Variants in TCF3 observed in about 807,000 individuals in gnomAD.
The protein encoded by TCF3 is transcription factor 3.
Under a neutral mutation model 72.3 loss-of-function variants are expected in TCF3, and 54 were observed. That is an observed-to-expected ratio of 0.75 (90% confidence interval 0.60 to 0.94). The LOEUF (loss-of-function observed/expected upper bound fraction) is 0.94. Among genes scored for constraint, TCF3 ranks in the 40% least tolerant of loss-of-function variants. TCF3 has a pLI of 0.00. For synonymous variants in TCF3, 525 were observed against 412.6 expected, an observed-to-expected ratio of 1.27 and a Z score of -3.30; for missense variants, 1,078 against 934.4, an observed-to-expected ratio of 1.15 and a Z score of -2.00.
chr19:1,625,510 G>A, intron 7 of TCF3, 66 bp downstream of exon 7: 1 of 1,470,716 alleles, frequency 6.8e-7, no homozygotes, highest in Non-Finnish European at 9.0e-7. Flanking sequence ...CTAACGGGAA[G>A]CCTCCTACCT....
intron 2 of TCF3, among the ~76,000 whole-genome samples, chr19:1,649,918 G>A (rs1343033814): frequency 6.6e-6 from 1 of 152,256 alleles, no homozygotes; most frequent in Non-Finnish European, 1.5e-5. Flanking sequence ...CCATGCCCCT[G>A]AGGACTCAGT....
intron 2 of TCF3, among the ~76,000 whole-genome samples, 179 bp from the exon 3 acceptor site, chr19:1,646,606 G>A (rs10401238): frequency 2.8e-4 from 43 of 152,222 alleles, no homozygotes; most frequent in African/African-American, 7.7e-4. Context: ...CTGAGGACTC[G>A]CGTGCCCTCA....
chr19:1,630,760 C>G (rs554617112), intron 5 of TCF3, among the ~76,000 whole-genome samples: 38 of 152,318 alleles, frequency 2.5e-4, no homozygotes, highest in Admixed American at 2.4e-3. Context: ...AGGCTGACCA[C>G]GACAGCGGGA....
At chr19:1,626,766 CCCCT>C (rs2062935320) in intron 6 of TCF3, among the ~76,000 whole-genome samples, 1 of 152,204 alleles carries the variant, frequency 6.6e-6, no homozygotes, top group East Asian at 1.9e-4. Context: ...CCCGGCTGGC[CCCCT>C]CCATCACTAT....
chr19:1,613,431 C>T (rs1383364484), intron 18 of TCF3, among the ~76,000 whole-genome samples: 1 of 152,116 alleles, frequency 6.6e-6, no homozygotes, highest in Non-Finnish European at 1.5e-5. Flanking sequence ...CTCCCTTGAC[C>T]CTGCTCACTC....
At chr19:1,638,867 G>A (rs1238838532) in intron 3 of TCF3, among the ~76,000 whole-genome samples, 1 of 152,108 alleles carries the variant, frequency 6.6e-6, no homozygotes, top group Non-Finnish European at 1.5e-5. Context: ...ACGATGGAAG[G>A]AAAAGCTGAG....
intron 14 of TCF3, 138 bp downstream of exon 14, chr19:1,619,642 C>T (rs2061936014): frequency 7.9e-7 from 1 of 1,265,772 alleles, no homozygotes; most frequent in African/African-American, 1.5e-5. Flanking sequence ...AATGTGTGTG[C>T]CTTGGCGGCC....
chr19:1,619,939 C>G, intron 13 of TCF3, 86 bp from the exon 14 acceptor site: 1 of 1,191,992 alleles, frequency 8.4e-7, no homozygotes, highest in Non-Finnish European at 1.2e-6. Flanking sequence ...TCATGAACCA[C>G]CCCGCCTGTC....
At chr19:1,650,479 T>G (rs2145792193) in intron 1 of TCF3, 192 bp from the exon 2 acceptor site, 2 of 561,550 alleles carry the variant, frequency 3.6e-6, no homozygotes, top group South Asian at 4.6e-5. Flanking sequence ...TTCCAGAGTC[T>G]AGGTCCCTGC....
At chr19:1,631,881 C>G in intron 5 of TCF3, 157 bp downstream of exon 5, 1 of 1,520,772 alleles carries the variant, frequency 6.6e-7, no homozygotes, top group Non-Finnish European at 8.8e-7. Flanking sequence ...CTGCACCTCC[C>G]CGCAGCTGCT....
intron 3 of TCF3, among the ~76,000 whole-genome samples, chr19:1,639,568 TCA>T: frequency 6.6e-6 from 1 of 152,072 alleles, no homozygotes; most frequent in African/African-American, 2.4e-5. Context: ...CCTCAAGTAC[TCA>T]CAAAGAAGGA....
At chr19:1,630,590 C>T (rs992401358) in intron 5 of TCF3, among the ~76,000 whole-genome samples, 1 of 152,226 alleles carries the variant, frequency 6.6e-6, no homozygotes, top group Non-Finnish European at 1.5e-5. Context: ...CAGTGCCCCA[C>T]AGCTCCCGGC....
Position 1,611,006 on chromosome 19 carries a change from T to A in TCF3, c.*701A>T, listed in dbSNP as rs1348837853. 4.5e-6 allele frequency: 1 copy of A among 221,752 alleles called. No homozygotes were observed. Among genetic ancestry groups the A allele is most frequent in the Non-Finnish European group, 8.8e-6 (1 of 113,206 alleles). The allele number at this position is 221,752 out of a possible 1,614,324, so 13.7% of individuals were successfully genotyped here. On this transcript the variant is annotated 3_prime_UTR_variant, in exon 19 of 19. Coordinates refer to ENST00000262965, the MANE Select transcript of TCF3 (RefSeq NM_003200.5). ...TTTAATCATCTGGTTGATCAAGAAA[T>A]GCAATGCTCAGTCTAGGAACAGCAG...
In TCF3 at chr19:1,622,419, C is replaced by CCCCGGGG; in HGVS notation, c.550-5_550-4insCCCCGGG. 2.2e-6 allele frequency: 1 copy of CCCCGGGG among 459,764 alleles called. No homozygotes were observed. Among genetic ancestry groups the CCCCGGGG allele is most frequent in the Non-Finnish European group, 3.7e-6 (1 of 267,720 alleles). The allele number at this position is 459,764 out of a possible 1,614,324, so 28.5% of individuals were successfully genotyped here. On this transcript the variant is annotated splice_region_variant and splice_polypyrimidine_tract_variant and intron_variant, in intron 8 of 18. Transcript: ENST00000262965. ...CACCTGAGCTGGGTGGGTACACCTG[C>CCCCGGGG]GGGCGGGTGGGCGGTGGGGGGTGCA...
At chr19:1,622,585 GTTC>G (rs1488880082) in intron 8 of TCF3, among the ~76,000 whole-genome samples, 170 bp from the exon 9 acceptor site, 2 of 152,058 alleles carry the variant, frequency 1.3e-5, no homozygotes, top group Non-Finnish European at 2.9e-5. Context: ...CAAGTTTGAG[GTTC>G]TTATGATGTC....
intron 4 of TCF3, 22 bp from the exon 5 acceptor site, chr19:1,632,138 T>C: frequency 1.2e-6 from 2 of 1,609,114 alleles, no homozygotes; most frequent in Non-Finnish European, 8.5e-7. Flanking sequence ...GGGGTGGGGA[T>C]GAGAGGTGCT....
chr19:1,641,583 G>T (rs1332289235), intron 3 of TCF3, among the ~76,000 whole-genome samples: 2 of 152,100 alleles, frequency 1.3e-5, no homozygotes, highest in African/African-American at 4.8e-5. Context: ...CTCCCGAGTA[G>T]CTGGGATGAC....
At position 1,621,176 on chromosome 19, in the gene TCF3, G is replaced by A. The variant is rs1472833671; in HGVS notation, c.971C>T (p.Thr324Ile). The A allele has an allele frequency of 4.2e-5, 65 of 1,537,270 alleles. No individual in the cohort carries two copies. The East Asian group carries it at 1.6e-3, about 38-fold the overall frequency. The change falls in exon 12 of 19, where the codon ACA (threonine) becomes ATA (isoleucine). Residue 324 changes from threonine to isoleucine, a missense_variant. Thr to Ile is a moderately conservative substitution (Grantham distance 89, BLOSUM62 -1). Coordinates refer to ENST00000262965, the MANE Select transcript of TCF3 (RefSeq NM_003200.5). ...ADSLLGSRGT[T>I]AGSSGDALGK... ...GAGGGCATCCCCGGAGCTGCCAGCTGTGGTCCCTCGGGAGCCTGTGGGTGA... is the reference window on the plus strand; with the variant it reads ...GAGGGCATCCCCGGAGCTGCCAGCTATGGTCCCTCGGGAGCCTGTGGGTGA...
At position 1,619,220 on chromosome 19, in the gene TCF3, G is replaced by A. The variant is rs570069575; in HGVS notation, c.1341C>T (p.His447=). ...GRHAGLVGGS[H]PEDGLAGSTS... ...TGCTGCCTGCGAGGCCGTCCTCGGG[G>A]TGGCTGCCTCCAACCTGCAGGCGTG... The change falls in exon 16 of 19, where the codon CAC becomes CAT. Residue 447 remains histidine (H), a synonymous_variant. Coordinates refer to ENST00000262965, the MANE Select transcript of TCF3 (RefSeq NM_003200.5). The A allele has an allele frequency of 2.0e-5, 32 of 1,596,578 alleles. No individual in the cohort carries two copies. In the South Asian group the frequency reaches 3.4e-4, roughly 17 times the overall value.
Sources: allele counts gnomAD v4.1 joint callset (sites outside exome capture counted in the v4.1 genomes callset), GRCh38; gene constraint gnomAD v4.1.1; transcripts MANE v1.5; gene names NCBI Gene and HGNC (gene_info 2026-07-23, HGNC 2026-07-21).